STAU2: variants seen among roughly 807,000 people sequenced by gnomAD.
STAU2 encodes the protein double-stranded RNA-binding protein Staufen homolog 2.
A neutral mutation model predicts 65.9 loss-of-function variants in STAU2; 20 were observed. The observed-to-expected ratio is 0.30, with a 90% CI of 0.21 to 0.44. STAU2 has a LOEUF of 0.44. Ranked by LOEUF, STAU2 falls within the 20% of genes least tolerant of loss-of-function variation. The pLI, the probability that STAU2 is intolerant of heterozygous loss-of-function variation, is 1.00. For missense variants in STAU2, 558 were observed against 683.9 expected (o/e 0.82, Z 2.05); for synonymous variants, 232 against 233.9 (o/e 0.99, Z 0.07).
At chr8:73,721,203 T>C (rs1358991302) in intron 3 of STAU2, among the ~76,000 whole-genome samples, 3 of 143,764 alleles carry the variant, frequency 2.1e-5, no homozygotes, top group African/African-American at 5.2e-5. Context: ...AATGGGAGGA[T>C]TGTTTGAGCC....
intron 13 of STAU2, among the ~76,000 whole-genome samples, chr8:73,490,173 T>C (rs1821091379): frequency 6.6e-6 from 1 of 152,034 alleles, no homozygotes; most frequent in Non-Finnish European, 1.5e-5. Flanking sequence ...AGAGGATGGA[T>C]GTTCGTGTAA....
At chr8:73,501,071 T>C (rs1039497343) in intron 13 of STAU2, among the ~76,000 whole-genome samples, 2 of 151,924 alleles carry the variant, frequency 1.3e-5, no homozygotes, top group East Asian at 3.9e-4. Flanking sequence ...TGATGTACAA[T>C]AGATGTCTTC....
intron 6 of STAU2, among the ~76,000 whole-genome samples, chr8:73,617,999 G>A (rs936347500): frequency 6.6e-6 from 1 of 152,102 alleles, no homozygotes; most frequent in Non-Finnish European, 1.5e-5. Context: ...AGGTAATGAG[G>A]CTAATGAGGT....
Position 73,617,380 on chromosome 8 carries a change from C to T in STAU2, c.482G>A (p.Gly161Glu). Reference protein sequence around the residue: ...TVGNNEFFGEGKTRQAARHNA... With the variant: ...TVGNNEFFGEEKTRQAARHNA... ...GTGTCTAGCAGCTTGTCGAGTCTTTCCTTCCCCAAAAAATTCATTATTTCC... is the reference window on the plus strand; with the variant it reads ...GTGTCTAGCAGCTTGTCGAGTCTTTTCTTCCCCAAAAAATTCATTATTTCC... The change falls in exon 7 of 15, where the codon GGA becomes GAA. Residue 161 changes from glycine (G) to glutamate (E), a missense_variant. By Grantham distance (98) the Gly-to-Glu change is moderately conservative (BLOSUM62 -2). Transcript: ENST00000524300. 1.2e-6 allele frequency: 2 copies of T among 1,614,028 alleles called. No individual in the cohort carries two copies. Among genetic ancestry groups the T allele is most frequent in the Non-Finnish European group, 1.7e-6 (2 of 1,179,990 alleles).
chr8:73,505,346 G>T (rs988026042), intron 13 of STAU2, among the ~76,000 whole-genome samples: 3 of 152,090 alleles, frequency 2.0e-5, no homozygotes, highest in Non-Finnish European at 4.4e-5. Flanking sequence ...TCAAGAGAGG[G>T]TGGAGCAATA....
chr8:73,622,680 G>T (rs1251099010), intron 6 of STAU2, among the ~76,000 whole-genome samples: 1 of 152,092 alleles, frequency 6.6e-6, no homozygotes, highest in Non-Finnish European at 1.5e-5. Context: ...CTAATGCAAG[G>T]GATCTAAAGT....
intron 7 of STAU2, among the ~76,000 whole-genome samples, chr8:73,616,880 C>T (rs1812867444): frequency 6.6e-6 from 1 of 152,030 alleles, no homozygotes; most frequent in African/African-American, 2.4e-5. Flanking sequence ...AAGAAAGTAG[C>T]TGAAGCCATG....
chr8:73,583,421 T>A (rs1370602350), intron 11 of STAU2, among the ~76,000 whole-genome samples: 2 of 152,172 alleles, frequency 1.3e-5, no homozygotes, highest in Admixed American at 1.3e-4. Flanking sequence ...GCTGGGATTA[T>A]AAGTGTGAGC....
chr8:73,607,563 C>A (rs1207153169), intron 9 of STAU2, among the ~76,000 whole-genome samples: 1 of 151,592 alleles, frequency 6.6e-6, no homozygotes, highest in Non-Finnish European at 1.5e-5. Context: ...AACCCCATCT[C>A]TACTAAAAAA....
chr8:73,487,876 A>G (rs1055809376), intron 13 of STAU2, among the ~76,000 whole-genome samples: 4 of 152,124 alleles, frequency 2.6e-5, no homozygotes, highest in Non-Finnish European at 4.4e-5. Flanking sequence ...AAAAATTAGT[A>G]TATCACAACC....
At position 73,421,591 on chromosome 8, in the gene STAU2, A is replaced by G. The variant is rs1585707480; in HGVS notation, c.1620-126T>C. ...AAGTGACATTTTAAAGTGAAACAAC[A>G]ATATTTATGTTCAGATAGTCTACTG... On this transcript the variant is annotated intron_variant, in intron 14 of 14. Transcript: ENST00000524300. The G allele has an allele frequency of 1.1e-5, 9 of 813,378 alleles. No individual in the cohort carries two copies. The East Asian group carries it at 2.4e-4, about 22-fold the overall frequency. The allele number at this position is 813,378 out of a possible 1,614,324, so 50.4% of individuals were successfully genotyped here.
chr8:73,599,909 A>ACTC (rs1811503780), intron 10 of STAU2, among the ~76,000 whole-genome samples: 1 of 152,140 alleles, frequency 6.6e-6, no homozygotes, highest in South Asian at 2.1e-4. Flanking sequence ...CTAGGACTAC[A>ACTC]GGTGCCCACC....
intron 12 of STAU2, among the ~76,000 whole-genome samples, chr8:73,570,987 T>C (rs1809036575): frequency 6.6e-6 from 1 of 152,094 alleles, no homozygotes; most frequent in African/African-American, 2.4e-5. Flanking sequence ...CAGTGTGCTG[T>C]ATTCAGGAGA....
At chr8:73,467,206 T>C (rs541856880) in intron 13 of STAU2, among the ~76,000 whole-genome samples, 41 of 152,318 alleles carry the variant, frequency 2.7e-4, no homozygotes, top group African/African-American at 8.7e-4. Flanking sequence ...CTATGGTAGA[T>C]AGCCACTAAA....
At chr8:73,600,385 A>C (rs1811549152) in intron 10 of STAU2, among the ~76,000 whole-genome samples, 2 of 152,190 alleles carry the variant, frequency 1.3e-5, no homozygotes, top group Non-Finnish European at 2.9e-5. Context: ...ATGTCGTGAC[A>C]AATCAGAAGC....
intron 13 of STAU2, among the ~76,000 whole-genome samples, chr8:73,453,460 T>C (rs1323299080): frequency 6.6e-6 from 1 of 152,228 alleles, no homozygotes; most frequent in Non-Finnish European, 1.5e-5. Context: ...CTTTGCTCAG[T>C]AATCCTATCA....
intron 6 of STAU2, among the ~76,000 whole-genome samples, chr8:73,626,483 T>G (rs1387996946): frequency 6.6e-6 from 1 of 152,178 alleles, no homozygotes; most frequent in African/African-American, 2.4e-5. Context: ...CAATCTGACA[T>G]GATTTAAAAG....
At chr8:73,427,589 G>A (rs953308898) in intron 13 of STAU2, among the ~76,000 whole-genome samples, 7 of 152,222 alleles carry the variant, frequency 4.6e-5, no homozygotes, top group African/African-American at 1.2e-4. Context: ...GTCCTTTTAA[G>A]TCCTGAAGTG....
intron 13 of STAU2, among the ~76,000 whole-genome samples, chr8:73,438,212 T>C (rs1817857484): frequency 6.6e-6 from 1 of 152,190 alleles, no homozygotes; most frequent in Non-Finnish European, 1.5e-5. Context: ...TCTGACTCAC[T>C]ACTGGGGTAT....
Sources: gnomAD v4.1 joint callset for allele counts (sites outside exome capture counted in the v4.1 genomes callset) on GRCh38, gnomAD v4.1.1 for gene constraint, MANE v1.5 for transcripts, NCBI Gene and HGNC (gene_info 2026-07-23, HGNC 2026-07-21) for gene names.